Variants in BRCC3 observed in about 807,000 individuals in gnomAD.
BRCC3 encodes the protein BRCA1/BRCA2-containing complex subunit 3, also known as lys-63-specific deubiquitinase BRCC36.
A neutral mutation model predicts 28.0 loss-of-function variants in BRCC3; 15 were observed. That is an observed-to-expected ratio of 0.54 (90% confidence interval 0.36 to 0.82). The LOEUF is 0.82. Among genes scored for constraint, BRCC3 ranks in the 40% least tolerant of loss-of-function variants. BRCC3 has a pLI of 0.01. For synonymous variants in BRCC3, 66 were observed against 80.3 expected (o/e 0.82, Z 0.95); for missense variants, 109 against 225.9 (o/e 0.48, Z 3.32).
In BRCC3 at chrX:155,080,745, A is replaced by T. The variant is rs1046217107; in HGVS notation, c.403+2042A>T. Among the ~76,000 whole-genome samples, 2 of 112,106 alleles carry T rather than the reference A, an allele frequency of 1.8e-5. 1 individual carries two copies. The highest frequency in any genetic ancestry group is 7.4e-4 in the South Asian group (2 of 2,709). On this transcript the variant is annotated intron_variant, in intron 5 of 10. Coordinates refer to ENST00000330045, the MANE Select transcript of BRCC3 (RefSeq NM_001018055.3). ...TTTCAGTCACTTACTAGTTGAGAAA[A>T]TATTTTAACTTGTCTATGCCTCTGT...
chrX:155,081,942 T>C (rs1602769786), intron 5 of BRCC3, among the ~76,000 whole-genome samples: 1 of 111,674 alleles, frequency 9.0e-6, no homozygotes, highest in Non-Finnish European at 1.9e-5. Context: ...AGTAACATGA[T>C]AAAGAAGAAA....
At chrX:155,093,232 T>G (rs1035822303) in intron 7 of BRCC3, among the ~76,000 whole-genome samples, 4 of 111,364 alleles carry the variant, frequency 3.6e-5, no homozygotes, top group Middle Eastern at 4.6e-3. Context: ...TGTTTGTTTG[T>G]TTTGTATTCC....
At chrX:155,095,393 C>T (rs889339937) in intron 7 of BRCC3, among the ~76,000 whole-genome samples, 1 of 111,077 alleles carries the variant, frequency 9.0e-6, no homozygotes, top group Non-Finnish European at 1.9e-5. Context: ...CTCCACCTCC[C>T]GGGTTCAAGT....
At chrX:155,079,713 T>A (rs1239605057) in intron 5 of BRCC3, among the ~76,000 whole-genome samples, 1 of 111,417 alleles carries the variant, frequency 9.0e-6, no homozygotes, top group Non-Finnish European at 1.9e-5. Context: ...TGATTTAGAA[T>A]AAGGGAGATG....
chrX:155,095,361 C>T (rs1288179609), intron 7 of BRCC3, among the ~76,000 whole-genome samples: 1 of 111,371 alleles, frequency 9.0e-6, no homozygotes, highest in African/African-American at 3.3e-5. Context: ...AGTACAACGG[C>T]AGGATCTAGG....
At position 155,077,164 on chromosome X, in the gene BRCC3, CT is replaced by C. The variant is rs782682379; in HGVS notation, c.196-3del. 8.5e-7 allele frequency: 1 copy of C among 1,171,319 alleles called. No homozygotes were observed. Among genetic ancestry groups the C allele is most frequent in the Non-Finnish European group, 1.1e-6 (1 of 869,887 alleles). The stretch of plus-strand genomic sequence containing the variant: ...TAAGTAACCATTTCTGTGGATTTTC[CT>C]TTAGGTTGATGCCGTCAGAATTGTT... On this transcript the variant is annotated splice_polypyrimidine_tract_variant and splice_region_variant and intron_variant, in intron 3 of 10. Coordinates refer to ENST00000330045, the MANE Select transcript of BRCC3 (RefSeq NM_001018055.3).
chrX:155,100,469 T>C (rs782769276), intron 7 of BRCC3, among the ~76,000 whole-genome samples: 1 of 112,644 alleles, frequency 8.9e-6, no homozygotes, highest in Non-Finnish European at 1.9e-5. Flanking sequence ...AAACAGTTCT[T>C]ATGTCTTTTG....
At chrX:155,085,829 C>T (rs782246167) in intron 5 of BRCC3, among the ~76,000 whole-genome samples, 1 of 111,922 alleles carries the variant, frequency 8.9e-6, no homozygotes, top group African/African-American at 3.2e-5. Context: ...GTCTTGACCA[C>T]GGAGATCTTT....
chrX:155,109,987 T>C (rs2074310429), intron 7 of BRCC3, among the ~76,000 whole-genome samples: 1 of 111,697 alleles, frequency 9.0e-6, no homozygotes, highest in South Asian at 3.7e-4. Flanking sequence ...TCCTTCTGCA[T>C]TTATTAAGAT....
chrX:155,117,243 G>A (rs2074362716), intron 9 of BRCC3, among the ~76,000 whole-genome samples: 1 of 112,174 alleles, frequency 8.9e-6, no homozygotes, highest in Non-Finnish European at 1.9e-5. Context: ...TGAAAGAGAT[G>A]GATGGATACA....
chrX:155,083,833 C>T (rs890550675), intron 5 of BRCC3, among the ~76,000 whole-genome samples: 2 of 112,642 alleles, frequency 1.8e-5, no homozygotes, highest in Non-Finnish European at 3.8e-5. Context: ...GTACTCTCTA[C>T]TTATTGAAAT....
At chrX:155,099,185 GTT>G (rs372745437) in intron 7 of BRCC3, 23,206 of 555,315 alleles carry the variant, frequency 0.042, 229 homozygotes, top group African/African-American at 0.13. Flanking sequence ...AATTAGAAAT[GTT>G]TTTTTTTTTT....
At chrX:155,071,859 G>GC (rs1557292629) in intron 1 of BRCC3, among the ~76,000 whole-genome samples, 4 of 112,037 alleles carry the variant, frequency 3.6e-5, no homozygotes, top group Admixed American at 9.4e-5. Flanking sequence ...CCGGCGGTCT[G>GC]TACAGGCCCC....
At chrX:155,092,474 T>C (rs960535980) in intron 7 of BRCC3, among the ~76,000 whole-genome samples, 2 of 111,660 alleles carry the variant, frequency 1.8e-5, no homozygotes, top group African/African-American at 6.5e-5. Context: ...AGTGTTTATA[T>C]TGTTATTATT....
At position 155,122,231 on chromosome X, in the gene BRCC3, G is replaced by GGC. The variant is rs2074392632; in HGVS notation, c.*1028_*1029dup. The GGC allele has an allele frequency of 9.0e-6, 1 of 111,540 alleles. No homozygotes were observed. The highest frequency in any genetic ancestry group is 3.7e-4 in the South Asian group (1 of 2,700). 9.2% of individuals were successfully genotyped at this position (111,540 alleles called of 1,213,427 possible). A position where few individuals can be genotyped will look rare whatever the true frequency, so the allele number is the denominator to read the frequency against. ...GTTTCACTGAAGAGGATCTATAGAT[G>GGC]GCAAGTAAGCATATGAAAAGCTGTT... On this transcript the variant is annotated 3_prime_UTR_variant, in exon 11 of 11. Transcript: ENST00000330045.
chrX:155,077,554 C>T (rs1216561800), intron 4 of BRCC3, among the ~76,000 whole-genome samples: 1 of 111,727 alleles, frequency 9.0e-6, no homozygotes, highest in East Asian at 2.8e-4. Context: ...GAGTCCCCTC[C>T]ATCTTCCTCC....
At chrX:155,076,378 G>A (rs147632000) in intron 3 of BRCC3, among the ~76,000 whole-genome samples, 2 of 109,943 alleles carry the variant, frequency 1.8e-5, no homozygotes, top group Non-Finnish European at 3.8e-5. Context: ...GACAGACTGA[G>A]ACTGTGTCAA....
intron 7 of BRCC3, among the ~76,000 whole-genome samples, chrX:155,103,629 A>G (rs1440640824): frequency 9.0e-6 from 1 of 111,594 alleles, no homozygotes; most frequent in Non-Finnish European, 1.9e-5. Flanking sequence ...ATCATGGTGT[A>G]ATTGTTTCCT....
Position 155,108,015 on chromosome X carries a change from C to T in BRCC3, c.549-8042C>T, listed in dbSNP as rs782402803. 6.3e-5 allele frequency among the ~76,000 whole-genome samples: 7 copies of T among 111,762 alleles called. 1 individual carries two copies. In the South Asian group the frequency reaches 2.6e-3, roughly 42 times the overall value. On this transcript the variant is annotated intron_variant, in intron 7 of 10. Coordinates refer to ENST00000330045, the MANE Select transcript of BRCC3 (RefSeq NM_001018055.3). ...TATGCAACCACAACCCAGATCAGCT[C>T]CATGAATTTTTACAAGGTGAACGCC...
Sources: allele counts gnomAD v4.1 joint callset (sites outside exome capture counted in the v4.1 genomes callset), GRCh38; gene constraint gnomAD v4.1.1; transcripts MANE v1.5; gene names NCBI Gene and HGNC (gene_info 2026-07-23, HGNC 2026-07-21).